CCDC73: variants seen among roughly 807,000 people sequenced by gnomAD.
CCDC73 encodes the protein coiled-coil domain containing 73.
Under a neutral mutation model 116.5 loss-of-function variants are expected in CCDC73, and 95 were observed. That is an observed-to-expected ratio of 0.82 (90% CI 0.69 to 0.97). The LOEUF (loss-of-function observed/expected upper bound fraction) is 0.97. Ranked by LOEUF, CCDC73 falls within the 50% of genes least tolerant of loss-of-function variation. The probability of loss-of-function intolerance (pLI) is 0.00; values close to 1 mark genes in which losing one functional copy is unlikely to be tolerated. For synonymous variants in CCDC73, 398 were observed against 401.3 expected (o/e 0.99, Z 0.10); for missense variants, 1,066 against 1,206.8 (o/e 0.88, Z 1.73).
chr11:32,622,747 GATTAA>G (rs1855534761), intron 14 of CCDC73, among the ~76,000 whole-genome samples: 1 of 149,936 alleles, frequency 6.7e-6, no homozygotes, highest in African/African-American at 2.5e-5. Flanking sequence ...ATGGTGTAAA[GATTAA>G]ATTATATATA....
chr11:32,655,487 G>T (rs1476492395), intron 9 of CCDC73, among the ~76,000 whole-genome samples: 1 of 152,210 alleles, frequency 6.6e-6, no homozygotes, highest in East Asian at 1.9e-4. Context: ...CAACAAAGGG[G>T]TAGGCATTCC....
At chr11:32,780,391 C>T (rs990877263) in intron 1 of CCDC73, among the ~76,000 whole-genome samples, 2 of 151,894 alleles carry the variant, frequency 1.3e-5, no homozygotes, top group East Asian at 1.9e-4. Context: ...GTAAAAGAGG[C>T]ATTCAAATAG....
rs768676218 is a variant in CCDC73, at chr11:32,603,038, A to G, written c.3031-18T>C. 2 of 1,558,772 alleles carry G rather than the reference A, an allele frequency of 1.3e-6. No homozygotes were observed. Among genetic ancestry groups the G allele is most frequent in the Non-Finnish European group, 8.7e-7 (1 of 1,149,910 alleles). ...GTTTTCACCTGGGAAAGATAAACTA[A>G]TTTTACCTTCGAAATTATTATACAA... On this transcript the variant is annotated intron_variant, in intron 17 of 17. Coordinates refer to ENST00000335185, the MANE Select transcript of CCDC73 (RefSeq NM_001008391.4).
rs555481107 is a variant in CCDC73, at chr11:32,675,997, G to A, written c.454C>T (p.Leu152=). ...EMEQKVQLHL[L]AKEDYHKQLS... is the part of the protein sequence containing the mutation. ...TGCTTATGATAGTCTTCTTTAGCCA[G>A]AAGATGTAACTGGACCTTTTGTTCC... Residue 152 remains leucine, a synonymous_variant, in exon 8 of 18, where the codon CTG becomes TTG. Transcript: ENST00000335185. 3 of 1,604,030 alleles carry A rather than the reference G, an allele frequency of 1.9e-6. No homozygotes were observed. The East Asian group carries it at 6.7e-5, about 36-fold the overall frequency.
intron 3 of CCDC73, among the ~76,000 whole-genome samples, chr11:32,705,126 G>A (rs573891630): frequency 1.3e-5 from 2 of 152,288 alleles, no homozygotes; most frequent in East Asian, 1.9e-4. Flanking sequence ...ACCATTCAAC[G>A]GGAAACAGCA....
intron 2 of CCDC73, among the ~76,000 whole-genome samples, chr11:32,740,037 A>C (rs4980788): frequency 6.6e-5 from 10 of 152,152 alleles, no homozygotes; most frequent in Admixed American, 6.6e-4. Context: ...CCACTTGGTC[A>C]TGATAAATGA....
intron 2 of CCDC73, among the ~76,000 whole-genome samples, chr11:32,759,083 A>G (rs541340665): frequency 6.6e-6 from 1 of 152,106 alleles, no homozygotes; most frequent in South Asian, 2.1e-4. Flanking sequence ...GAAAGTCAGT[A>G]AATTCTATTG....
At chr11:32,670,511 G>C (rs1028363689) in intron 9 of CCDC73, among the ~76,000 whole-genome samples, 1 of 127,304 alleles carries the variant, frequency 7.9e-6, no homozygotes, top group African/African-American at 3.0e-5. Context: ...AACAGAGCAA[G>C]GCTCTGTCTC....
chr11:32,722,532 T>C (rs1849998858), intron 2 of CCDC73, among the ~76,000 whole-genome samples: 1 of 152,168 alleles, frequency 6.6e-6, no homozygotes, highest in Admixed American at 6.5e-5. Context: ...ACCAACAGTA[T>C]ATACTACAAG....
intron 1 of CCDC73, among the ~76,000 whole-genome samples, chr11:32,782,645 G>A (rs1240136394): frequency 6.6e-6 from 1 of 152,094 alleles, no homozygotes; most frequent in Non-Finnish European, 1.5e-5. Flanking sequence ...TTCAGAGGAA[G>A]CAAACATTAA....
At chr11:32,827,210 T>C in the CCDC73 span, among the ~76,000 whole-genome samples, 3 of 152,142 alleles carry the variant, frequency 2.0e-5, no homozygotes, top group Admixed American at 2.0e-4. Flanking sequence ...ATAAAATTAA[T>C]ACAGCAAGGA....
intron 14 of CCDC73, among the ~76,000 whole-genome samples, chr11:32,621,971 C>A (rs532278840): frequency 6.6e-6 from 1 of 152,132 alleles, no homozygotes; most frequent in Admixed American, 6.6e-5. Context: ...TACCATCTCA[C>A]GCCAAGTCAG....
Position 32,645,084 on chromosome 11 carries a change from A to T in CCDC73, c.940-3002T>A, listed in dbSNP as rs186348953. Among the ~76,000 whole-genome samples, 13 of 152,194 alleles carry T rather than the reference A, an allele frequency of 8.5e-5. No homozygotes were observed. In the East Asian group the frequency reaches 1.5e-3, roughly 18 times the overall value. On this transcript the variant is annotated intron_variant, in intron 12 of 17. Coordinates refer to ENST00000335185, the MANE Select transcript of CCDC73 (RefSeq NM_001008391.4). ...TATTATAAAAAAAACTAACACACAA[A>T]CACACACATTAGCCTAGGCCTACAC...
intron 2 of CCDC73, among the ~76,000 whole-genome samples, chr11:32,727,596 G>T (rs553416805): frequency 1.3e-5 from 2 of 151,582 alleles, no homozygotes; most frequent in African/African-American, 4.8e-5. Context: ...TTTTTGAGAC[G>T]TTGTCTCGCT....
At chr11:32,777,575 T>C (rs1850548829) in intron 1 of CCDC73, among the ~76,000 whole-genome samples, 1 of 152,134 alleles carries the variant, frequency 6.6e-6, no homozygotes, top group South Asian at 2.1e-4. Context: ...ACAGGGTAAA[T>C]TAATAAATAA....
Position 32,699,603 on chromosome 11 carries a change from C to A in CCDC73, c.316-278G>T, listed in dbSNP as rs181236398. ...GTAGGGACATGGATGAAGCTGGAAACCATCATTCTCAGCAAACTATCACAA... is the reference window on the plus strand; with the variant it reads ...GTAGGGACATGGATGAAGCTGGAAAACATCATTCTCAGCAAACTATCACAA... On this transcript the variant is annotated intron_variant, in intron 5 of 17. Transcript: ENST00000335185. Among the ~76,000 whole-genome samples, 1,076 of 152,090 alleles carry A rather than the reference C, an allele frequency of 7.1e-3. 15 individuals carry two copies. Among genetic ancestry groups the A allele is most frequent in the African/African-American group, 0.025 (1,037 of 41,478 alleles).
At chr11:32,666,360 T>C (rs769780285) in intron 9 of CCDC73, among the ~76,000 whole-genome samples, 3 of 152,190 alleles carry the variant, frequency 2.0e-5, no homozygotes, top group Non-Finnish European at 4.4e-5. Flanking sequence ...TATTCATTTC[T>C]TTTTACTCTT....
At chr11:32,762,302 T>A (rs947810360) in intron 1 of CCDC73, among the ~76,000 whole-genome samples, 1 of 152,130 alleles carries the variant, frequency 6.6e-6, no homozygotes. Context: ...TAATAAAAAA[T>A]TATGGAATCA....
At chr11:32,812,543 C>A in the CCDC73 span, among the ~76,000 whole-genome samples, 2 of 152,128 alleles carry the variant, frequency 1.3e-5, no homozygotes, top group Non-Finnish European at 2.9e-5. Context: ...GTGGTGCATG[C>A]CTGTGATCCC....
Sources: gnomAD v4.1 joint callset for allele counts (sites outside exome capture counted in the v4.1 genomes callset) on GRCh38, gnomAD v4.1.1 for gene constraint, MANE v1.5 for transcripts, NCBI Gene and HGNC (gene_info 2026-07-23, HGNC 2026-07-21) for gene names.